Variants in DIAPH2 observed in about 807,000 individuals in gnomAD.
DIAPH2 encodes protein diaphanous homolog 2.
A neutral mutation model predicts 92.7 loss-of-function variants in DIAPH2; 35 were observed. That is an observed-to-expected ratio of 0.38 (90% confidence interval 0.29 to 0.50). DIAPH2 has a LOEUF of 0.50. Ranked by LOEUF, DIAPH2 falls within the 20% of genes least tolerant of loss-of-function variation. DIAPH2 has a pLI of 0.94. For missense variants in DIAPH2, 701 were observed against 819.5 expected (o/e 0.86, Z 1.77); for synonymous variants, 301 against 280.4 (o/e 1.07, Z -0.73).
intron 22 of DIAPH2, among the ~76,000 whole-genome samples, chrX:97,210,632 G>A (rs780580936): frequency 9.0e-5 from 10 of 111,443 alleles, no homozygotes; most frequent in Non-Finnish European, 1.7e-4. Flanking sequence ...ATATTTTATG[G>A]TACTGACATA....
intron 16 of DIAPH2, among the ~76,000 whole-genome samples, chrX:96,962,326 C>CATATATATATACAT (rs1569436454): frequency 9.7e-5 from 4 of 41,324 alleles, no homozygotes; most frequent in African/African-American, 2.8e-4. Flanking sequence ...TATATATACA[C>CATATATATATACAT]ATATATATAT....
intron 22 of DIAPH2, among the ~76,000 whole-genome samples, chrX:97,188,284 G>A (rs1363961273): frequency 9.0e-6 from 1 of 111,587 alleles, no homozygotes; most frequent in Non-Finnish European, 1.9e-5. Flanking sequence ...AGTGTCCACA[G>A]AGAAATTGAG....
At chrX:96,843,837 T>A (rs902800421) in intron 4 of DIAPH2, among the ~76,000 whole-genome samples, 11 of 111,581 alleles carry the variant, frequency 9.9e-5, no homozygotes, top group Non-Finnish European at 1.9e-4. Context: ...CCTGCATCTA[T>A]CAGGACCTTA....
At chrX:97,285,917 T>G (rs2068538019) in intron 23 of DIAPH2, among the ~76,000 whole-genome samples, 1 of 109,867 alleles carries the variant, frequency 9.1e-6, no homozygotes, top group Admixed American at 9.9e-5. Context: ...TCTTTAATAT[T>G]TATTTTGTGG....
intron 5 of DIAPH2, chrX:96,884,966 G>T: frequency 1.1e-5 from 13 of 1,211,082 alleles, no homozygotes; most frequent in Non-Finnish European, 1.5e-5. Flanking sequence ...GAAGGGAAGA[G>T]CATCCATGAG....
intron 26 of DIAPH2, among the ~76,000 whole-genome samples, chrX:97,467,809 A>G (rs2070527022): frequency 8.9e-6 from 1 of 112,005 alleles, no homozygotes; most frequent in South Asian, 3.7e-4. Flanking sequence ...AACCTGGAAC[A>G]ATGTGATTTG....
intron 11 of DIAPH2, among the ~76,000 whole-genome samples, chrX:96,937,810 G>C (rs954544106): frequency 1.2e-4 from 13 of 112,017 alleles, no homozygotes; most frequent in African/African-American, 4.2e-4. Flanking sequence ...TAACAAAAAT[G>C]TTTAGATGCA....
chrX:96,974,024 G>T (rs1317880529), intron 17 of DIAPH2, among the ~76,000 whole-genome samples: 2 of 111,790 alleles, frequency 1.8e-5, no homozygotes, highest in Non-Finnish European at 3.8e-5. Flanking sequence ...TATCTGCAAG[G>T]GCTCCTGGAA....
At chrX:96,744,512 A>G (rs946709967) in intron 3 of DIAPH2, among the ~76,000 whole-genome samples, 1 of 112,329 alleles carries the variant, frequency 8.9e-6, no homozygotes, top group Non-Finnish European at 1.9e-5. Flanking sequence ...TTCCTTGCAC[A>G]CATAGTGAGG....
intron 12 of DIAPH2, among the ~76,000 whole-genome samples, chrX:96,941,699 T>A (rs1227372707): frequency 9.0e-6 from 1 of 110,992 alleles, no homozygotes; most frequent in Non-Finnish European, 1.9e-5. Flanking sequence ...GGCTCATTTG[T>A]TTTTATTAAC....
chrX:97,206,471 G>A (rs980458235), intron 22 of DIAPH2, among the ~76,000 whole-genome samples: 1 of 111,795 alleles, frequency 8.9e-6, no homozygotes, highest in Non-Finnish European at 1.9e-5. Flanking sequence ...GTTATCATGA[G>A]GTCCTAAAAT....
At chrX:97,493,368 T>C (rs1388967973) in intron 26 of DIAPH2, among the ~76,000 whole-genome samples, 17 of 111,096 alleles carry the variant, frequency 1.5e-4, no homozygotes, top group Middle Eastern at 4.7e-3. Flanking sequence ...TTCAAGCTAT[T>C]CTCCTGCCTC....
At position 97,357,216 on chromosome X, in the gene DIAPH2, G is replaced by A. The variant is rs946300712; in HGVS notation, c.3009+8936G>A. On this transcript the variant is annotated intron_variant, in intron 24 of 26. Transcript: ENST00000324765. ...CCAGAAGTCTTGAGATTGGCCAGAG[G>A]TATTGATTGTGATCAGAGCATGCCT... is the stretch of plus-strand genomic sequence containing the variant. 8.9e-5 allele frequency among the ~76,000 whole-genome samples: 10 copies of A among 111,784 alleles called. No homozygotes were observed. In the East Asian group the frequency reaches 2.8e-3, roughly 31 times the overall value.
chrX:97,365,670 TTTTC>T (rs368160487), intron 24 of DIAPH2, among the ~76,000 whole-genome samples: 113 of 110,563 alleles, frequency 1.0e-3, no homozygotes, highest in African/African-American at 3.4e-3. Flanking sequence ...ATATTTTTCT[TTTTC>T]TTTCTTTCTT....
chrX:97,408,829 A>T (rs1419089482), intron 25 of DIAPH2, among the ~76,000 whole-genome samples: 1 of 112,088 alleles, frequency 8.9e-6, no homozygotes, highest in East Asian at 2.8e-4. Context: ...GGGAAGATGT[A>T]TAGGTGTGAA....
At chrX:97,091,964 G>A (rs1485870663) in intron 19 of DIAPH2, among the ~76,000 whole-genome samples, 2 of 111,200 alleles carry the variant, frequency 1.8e-5, no homozygotes, top group Non-Finnish European at 3.8e-5. Context: ...CCAGAGTCAA[G>A]GCAAAACCAG....
chrX:97,459,901 A>G (rs2070444206), intron 26 of DIAPH2, among the ~76,000 whole-genome samples: 1 of 111,673 alleles, frequency 9.0e-6, no homozygotes, highest in South Asian at 3.7e-4. Flanking sequence ...CCTATGTATC[A>G]GTTTCCTTAT....
chrX:97,243,003 G>A (rs909481704), intron 22 of DIAPH2, among the ~76,000 whole-genome samples: 4 of 107,249 alleles, frequency 3.7e-5, no homozygotes, highest in African/African-American at 1.4e-4. Context: ...AGCCAGGATG[G>A]TCTCGATCTC....
chrX:96,946,033 C>G (rs1013244071), intron 14 of DIAPH2, among the ~76,000 whole-genome samples: 1 of 111,513 alleles, frequency 9.0e-6, no homozygotes, highest in South Asian at 3.8e-4. Context: ...AGTGTTTTCT[C>G]TCTTTCTCAC....
Sources: gnomAD v4.1 joint callset for allele counts (sites outside exome capture counted in the v4.1 genomes callset) on GRCh38, gnomAD v4.1.1 for gene constraint, MANE v1.5 for transcripts, NCBI Gene and HGNC (gene_info 2026-07-23, HGNC 2026-07-21) for gene names.